TBC1D5: variants seen among roughly 807,000 people sequenced by gnomAD.
TBC1D5 encodes TBC1 domain family, member 5.
Under a neutral mutation model 100.3 loss-of-function variants are expected in TBC1D5, and 75 were observed. The ratio of observed to expected loss-of-function variants is 0.75; its 90% CI spans 0.62 to 0.91. TBC1D5 has a LOEUF of 0.91. TBC1D5 is among the 40% of genes least tolerant of loss of function. TBC1D5 has a pLI of 0.00. For synonymous variants in TBC1D5, 323 were observed against 325.6 expected (o/e 0.99, Z 0.09); for missense variants, 910 against 942.4 (o/e 0.97, Z 0.45).
intron 1 of TBC1D5, among the ~76,000 whole-genome samples, chr3:17,710,348 TGA>T (rs1291459212): frequency 2.0e-5 from 3 of 152,052 alleles, no homozygotes; most frequent in Non-Finnish European, 4.4e-5. Flanking sequence ...GTGGTTCACT[TGA>T]GGTCAGGAGT....
At chr3:17,584,533 T>A (rs937964250) in intron 2 of TBC1D5, among the ~76,000 whole-genome samples, 3 of 152,210 alleles carry the variant, frequency 2.0e-5, no homozygotes, top group Non-Finnish European at 4.4e-5. Flanking sequence ...AATAATTCTT[T>A]AAGCTTCATT....
chr3:17,733,598 G>T (rs2076737346), intron 1 of TBC1D5, among the ~76,000 whole-genome samples: 1 of 152,028 alleles, frequency 6.6e-6, no homozygotes, highest in South Asian at 2.1e-4. Flanking sequence ...GAGCTAGAAG[G>T]GTCCTTAGAG....
rs749923538 is a variant in TBC1D5, at chr3:17,161,095, G to T, written c.2256C>A (p.Val752=). 8 of 1,614,104 alleles carry T rather than the reference G, an allele frequency of 5.0e-6. No individual in the cohort carries two copies. In the Admixed American group the frequency reaches 1.2e-4, roughly 24 times the overall value. Residue 752 remains valine (V), a synonymous_variant, in exon 22 of 22, where the codon GTC becomes GTA. Coordinates refer to ENST00000253692, the Ensembl canonical transcript of TBC1D5. ...GATCTGAGAACACCAGTGGGGAGCAGACTGGGGCCTGGCTTTTCCCAGAGG... is the reference window on the plus strand; with the variant it reads ...GATCTGAGAACACCAGTGGGGAGCATACTGGGGCCTGGCTTTTCCCAGAGG...
At chr3:17,606,348 G>C (rs1487708862) in intron 2 of TBC1D5, among the ~76,000 whole-genome samples, 5 of 152,084 alleles carry the variant, frequency 3.3e-5, no homozygotes. Flanking sequence ...GAGGCTGCTG[G>C]GAGGATTGGG....
At position 17,500,125 on chromosome 3, in the gene TBC1D5, C is replaced by T. The variant is rs538001541; in HGVS notation, c.97+8349G>A. ...AGGTATTTGCAACATGGTTCAATGA[C>T]TGTTCACATAAATCCAACTCTAAAG... On this transcript the variant is annotated intron_variant, in intron 3 of 21. Coordinates refer to ENST00000253692, the Ensembl canonical transcript of TBC1D5. 1.3e-5 allele frequency among the ~76,000 whole-genome samples: 2 copies of T among 149,528 alleles called. 1 individual carries two copies. The highest frequency in any genetic ancestry group is 3.9e-4 in the East Asian group (2 of 5,154).
intron 1 of TBC1D5, among the ~76,000 whole-genome samples, chr3:17,651,863 ACT>A (rs2065611059): frequency 1.3e-5 from 2 of 152,046 alleles, no homozygotes; most frequent in Admixed American, 1.3e-4. Flanking sequence ...AAGAGTGAAA[ACT>A]CTCACAAAAA....
At chr3:17,634,626 T>TAA (rs1000749608) in intron 1 of TBC1D5, among the ~76,000 whole-genome samples, 29 of 85,498 alleles carry the variant, frequency 3.4e-4, no homozygotes, top group Middle Eastern at 6.8e-3. Context: ...GCTAATAGGG[T>TAA]AAAAAAAAAA....
chr3:17,395,535 T>G (rs1288574108), intron 8 of TBC1D5, among the ~76,000 whole-genome samples: 1 of 152,176 alleles, frequency 6.6e-6, no homozygotes, highest in South Asian at 2.1e-4. Flanking sequence ...CTGTGCCCAC[T>G]GGGAATATTA....
At chr3:17,388,588 C>T (rs1312229039) in intron 8 of TBC1D5, among the ~76,000 whole-genome samples, 2 of 151,626 alleles carry the variant, frequency 1.3e-5, no homozygotes, top group East Asian at 1.9e-4. Context: ...GAGGCTCACA[C>T]CTATAATCCC....
At chr3:17,637,663 A>C (rs529089392) in intron 1 of TBC1D5, among the ~76,000 whole-genome samples, 1 of 152,308 alleles carries the variant, frequency 6.6e-6, no homozygotes, top group Admixed American at 6.5e-5. Context: ...TGCACAAAGA[A>C]ATGCAAATAA....
At chr3:17,398,580 T>C (rs1032896931) in intron 8 of TBC1D5, among the ~76,000 whole-genome samples, 1 of 152,148 alleles carries the variant, frequency 6.6e-6, no homozygotes, top group Non-Finnish European at 1.5e-5. Context: ...CAATCAATGA[T>C]CATTTATTAA....
intron 4 of TBC1D5, among the ~76,000 whole-genome samples, chr3:17,425,115 G>C (rs1177950942): frequency 6.6e-6 from 1 of 152,076 alleles, no homozygotes; most frequent in South Asian, 2.1e-4. Context: ...CAAAAGGTTA[G>C]TGATGATGAC....
intron 2 of TBC1D5, among the ~76,000 whole-genome samples, chr3:17,538,150 C>A (rs1361819187): frequency 1.3e-5 from 2 of 152,088 alleles, no homozygotes; most frequent in Non-Finnish European, 2.9e-5. Context: ...ACCCCCACCC[C>A]CTGTTGCCCC....
intron 2 of TBC1D5, among the ~76,000 whole-genome samples, chr3:17,515,354 C>T (rs1025564613): frequency 1.3e-5 from 2 of 152,238 alleles, no homozygotes; most frequent in Middle Eastern, 3.4e-3. Flanking sequence ...AACCTAAGGA[C>T]GTTTTAGTAC....
At chr3:17,324,248 T>C (rs1028099954) in intron 13 of TBC1D5, among the ~76,000 whole-genome samples, 1 of 152,188 alleles carries the variant, frequency 6.6e-6, no homozygotes, top group Non-Finnish European at 1.5e-5. Flanking sequence ...GTGACACTGA[T>C]AGGTAAAGAT....
At chr3:17,158,688 T>G (rs1164250577) in exon 22 of TBC1D5, 1 of 152,186 alleles carries the variant, frequency 6.6e-6, no homozygotes, top group East Asian at 1.9e-4. Context: ...GAGTTTTCAG[T>G]GACTATTAAA....
At chr3:17,279,053 A>T (rs968543692) in intron 15 of TBC1D5, among the ~76,000 whole-genome samples, 1 of 152,250 alleles carries the variant, frequency 6.6e-6, no homozygotes, top group African/African-American at 2.4e-5. Context: ...TCATTATTAA[A>T]ATGTTACCAT....
chr3:17,482,224 A>G (rs2095510309), intron 3 of TBC1D5, among the ~76,000 whole-genome samples: 1 of 149,774 alleles, frequency 6.7e-6, no homozygotes, highest in Non-Finnish European at 1.5e-5. Context: ...AATGTTCCCT[A>G]TAACGTGTAC....
At chr3:17,346,045 T>A (rs974495277) in intron 13 of TBC1D5, among the ~76,000 whole-genome samples, 38 of 152,120 alleles carry the variant, frequency 2.5e-4, no homozygotes, top group Non-Finnish European at 4.3e-4. Context: ...ATTGTGCACA[T>A]GTACCCTAAA....
Sources: gnomAD v4.1 joint callset for allele counts (sites outside exome capture counted in the v4.1 genomes callset) on GRCh38, gnomAD v4.1.1 for gene constraint, MANE v1.5 for transcripts, NCBI Gene and HGNC (gene_info 2026-07-23, HGNC 2026-07-21) for gene names.